The following CSNK1G1 variants were observed in gnomAD, a reference collection of about 807,000 sequenced individuals.
CSNK1G1 encodes the protein casein kinase 1 gamma 1, also known as casein kinase I isoform gamma-1.
A neutral mutation model predicts 59.6 loss-of-function variants in CSNK1G1; 22 were observed. The ratio of observed to expected loss-of-function variants is 0.37; its 90% CI spans 0.26 to 0.53. The LOEUF (loss-of-function observed/expected upper bound fraction) is 0.53, where lower values mean the gene tolerates loss of function less well. Ranked by LOEUF, CSNK1G1 falls within the 20% of genes least tolerant of loss-of-function variation. The pLI, the probability that CSNK1G1 is intolerant of heterozygous loss-of-function variation, is 0.89. For missense variants in CSNK1G1, 384 were observed against 519.5 expected (o/e 0.74, Z 2.54); for synonymous variants, 179 against 177.1 (o/e 1.01, Z -0.08).
chr15:64,213,699 AC>A (rs2082276073), intron 6 of CSNK1G1, among the ~76,000 whole-genome samples, 190 bp downstream of exon 6: 1 of 152,232 alleles, frequency 6.6e-6, no homozygotes, highest in African/African-American at 2.4e-5. Context: ...AGAATTAAGA[AC>A]CTATGCATAG....
chr15:64,189,358 T>C (rs904901424), intron 10 of CSNK1G1: 12 of 1,233,660 alleles, frequency 9.7e-6, no homozygotes, highest in African/African-American at 3.1e-5. Flanking sequence ...TTACATCTGC[T>C]ACTATTCTGA....
intron 2 of CSNK1G1, among the ~76,000 whole-genome samples, chr15:64,276,248 T>C (rs765460434): frequency 1.1e-4 from 16 of 152,168 alleles, no homozygotes; most frequent in African/African-American, 2.7e-4. Flanking sequence ...TTCTATATTA[T>C]AGTGGTGGGC....
At chr15:64,312,644 T>TA (rs1490620080) in intron 1 of CSNK1G1, among the ~76,000 whole-genome samples, 1 of 152,132 alleles carries the variant, frequency 6.6e-6, no homozygotes, top group African/African-American at 2.4e-5. Flanking sequence ...CCTAAAGCCA[T>TA]AAAAATCCTA....
intron 4 of CSNK1G1, among the ~76,000 whole-genome samples, chr15:64,232,893 T>C (rs991963657): frequency 6.6e-6 from 1 of 151,952 alleles, no homozygotes; most frequent in Admixed American, 6.6e-5. Context: ...AGGGAGAAAA[T>C]AGCACCAGAA....
intron 4 of CSNK1G1, among the ~76,000 whole-genome samples, chr15:64,227,729 G>A (rs567588762): frequency 1.1e-3 from 175 of 152,236 alleles, no homozygotes; most frequent in Non-Finnish European, 1.7e-3. Context: ...GGAAAAACAG[G>A]GGAAGTACTA....
chr15:64,232,268 G>T (rs1218535428), intron 4 of CSNK1G1, among the ~76,000 whole-genome samples: 1 of 152,090 alleles, frequency 6.6e-6, no homozygotes, highest in Middle Eastern at 3.2e-3. Flanking sequence ...GTTAAAAATT[G>T]ATCTTTTTAT....
intron 2 of CSNK1G1, among the ~76,000 whole-genome samples, chr15:64,288,005 A>G (rs1246343466): frequency 6.6e-6 from 1 of 152,236 alleles, no homozygotes; most frequent in Non-Finnish European, 1.5e-5. Context: ...ATGGTAAATG[A>G]CTTAGCAAAA....
intron 3 of CSNK1G1, among the ~76,000 whole-genome samples, chr15:64,257,133 T>TCA (rs1382570102): frequency 6.6e-6 from 1 of 151,390 alleles, no homozygotes; most frequent in Non-Finnish European, 1.5e-5. Context: ...CGGTACTGAG[T>TCA]CACACCATAC....
chr15:64,195,864 T>C (rs2082031375), intron 10 of CSNK1G1, among the ~76,000 whole-genome samples: 1 of 152,190 alleles, frequency 6.6e-6, no homozygotes, highest in African/African-American at 2.4e-5. Flanking sequence ...GATCTAGCTT[T>C]TAGGAACGTT....
chr15:64,348,417 A>T (rs936988411), intron 1 of CSNK1G1: 2 of 152,192 alleles, frequency 1.3e-5, no homozygotes, highest in Non-Finnish European at 1.5e-5. Context: ...TGGAGGAGAG[A>T]AGCACACTGA....
chr15:64,307,352 T>C (rs1333750650), intron 1 of CSNK1G1, among the ~76,000 whole-genome samples: 2 of 151,984 alleles, frequency 1.3e-5, no homozygotes, highest in East Asian at 1.9e-4. Flanking sequence ...AATAATTCTA[T>C]CTAAAAAAAG....
chr15:64,311,677 G>GAAAAAAAAAAA (rs11371950), intron 1 of CSNK1G1, among the ~76,000 whole-genome samples: 1 of 108,156 alleles, frequency 9.2e-6, no homozygotes, highest in Non-Finnish European at 1.8e-5. Flanking sequence ...TAAAAAAAGT[G>GAAAAAAAAAAA]AAAAAAAAAA....
chr15:64,194,499 CTTCTT>C (rs1171707900), intron 10 of CSNK1G1, among the ~76,000 whole-genome samples: 293 of 147,800 alleles, frequency 2.0e-3, no homozygotes, highest in African/African-American at 4.5e-3. Context: ...TTCTTTTTCT[CTTCTT>C]TTCTTTTCTT....
At chr15:64,203,256 G>T in intron 9 of CSNK1G1, 67 bp from the exon 10 acceptor site, 1 of 967,666 alleles carries the variant, frequency 1.0e-6, no homozygotes, top group Non-Finnish European at 1.7e-6. Context: ...GCAAAGGACA[G>T]AATGATTCTA....
chr15:64,315,174 T>C (rs1438928787), intron 1 of CSNK1G1, among the ~76,000 whole-genome samples: 1 of 152,210 alleles, frequency 6.6e-6, no homozygotes, highest in East Asian at 1.9e-4. Context: ...TTGTACACTG[T>C]TGTGAAAACA....
intron 2 of CSNK1G1, among the ~76,000 whole-genome samples, chr15:64,264,394 G>A (rs1892869376): frequency 6.6e-6 from 1 of 152,060 alleles, no homozygotes. Context: ...GACTCCCCCA[G>A]CAAAGAAAAA....
At chr15:64,212,857 T>G (rs1452580883) in intron 6 of CSNK1G1, among the ~76,000 whole-genome samples, 1 of 151,824 alleles carries the variant, frequency 6.6e-6, no homozygotes, top group African/African-American at 2.4e-5. Context: ...AGGACAAAAA[T>G]TAGCCAGGTG....
chr15:64,197,382 G>A (rs1444793953), intron 10 of CSNK1G1, among the ~76,000 whole-genome samples: 2 of 152,140 alleles, frequency 1.3e-5, no homozygotes, highest in Non-Finnish European at 2.9e-5. Context: ...GACCTCTTCA[G>A]GTGGAATACA....
chr15:64,172,084 T>C (rs2081675163), intron 11 of CSNK1G1, 99 bp from the exon 12 acceptor site: 8 of 1,088,642 alleles, frequency 7.3e-6, no homozygotes, highest in African/African-American at 1.5e-5. Context: ...ATTTTCCCCC[T>C]AGCACCCACC....
Sources: allele counts gnomAD v4.1 joint callset (sites outside exome capture counted in the v4.1 genomes callset), GRCh38; gene constraint gnomAD v4.1.1; transcripts MANE v1.5; gene names NCBI Gene and HGNC (gene_info 2026-07-23, HGNC 2026-07-21).